The following RPH3A variants were observed in gnomAD, a reference collection of about 807,000 sequenced individuals.
RPH3A encodes rabphilin-3A.
Under a neutral mutation model 102.2 loss-of-function variants are expected in RPH3A, and 48 were observed. The ratio of observed to expected loss-of-function variants is 0.47; its 90% CI spans 0.37 to 0.60. The LOEUF (loss-of-function observed/expected upper bound fraction) is 0.60, where lower values mean the gene tolerates loss of function less well. RPH3A is among the 20% of genes least tolerant of loss of function. RPH3A has a pLI of 0.00. For synonymous variants in RPH3A, 310 were observed against 324.3 expected (o/e 0.96, Z 0.47); for missense variants, 781 against 910.1 (o/e 0.86, Z 1.83).
chr12:112,738,130 G>A (rs554720775), intron 1 of RPH3A, among the ~76,000 whole-genome samples: 185 of 151,962 alleles, frequency 1.2e-3, no homozygotes, highest in African/African-American at 4.0e-3. Flanking sequence ...TTATCATCAC[G>A]TATCCTTCTT....
At chr12:112,648,767 T>A (rs1464572331) in intron 1 of RPH3A, among the ~76,000 whole-genome samples, 24 of 129,040 alleles carry the variant, frequency 1.9e-4, no homozygotes, top group Non-Finnish European at 2.7e-4. Context: ...AAAAAAAAAA[T>A]GGAAATTACT....
intron 1 of RPH3A, among the ~76,000 whole-genome samples, chr12:112,735,708 G>A (rs1314709693): frequency 6.6e-6 from 1 of 152,148 alleles, no homozygotes; most frequent in Admixed American, 6.5e-5. Flanking sequence ...GAGATGGTGT[G>A]GAGCAGCCTG....
At chr12:112,645,611 T>A (rs2039923456) in intron 1 of RPH3A, among the ~76,000 whole-genome samples, 1 of 152,182 alleles carries the variant, frequency 6.6e-6, no homozygotes. Flanking sequence ...AAGTGAGCTC[T>A]CCTCTGCAAA....
chr12:112,712,903 CCTCT>C (rs1565856715), intron 1 of RPH3A, among the ~76,000 whole-genome samples: 8 of 131,940 alleles, frequency 6.1e-5, no homozygotes, highest in African/African-American at 2.2e-4. Flanking sequence ...TCTTCTTCTT[CCTCT>C]TCTTCTTCTT....
intron 1 of RPH3A, among the ~76,000 whole-genome samples, chr12:112,771,510 G>A (rs1038913117): frequency 6.6e-6 from 1 of 152,108 alleles, no homozygotes; most frequent in Non-Finnish European, 1.5e-5. Context: ...TACAAACAAT[G>A]CTGCAATAAA....
chr12:112,765,246 TTGTGTGTGTGTGTGTGTG>T (rs34294777), intron 1 of RPH3A, among the ~76,000 whole-genome samples: 8 of 141,760 alleles, frequency 5.6e-5, no homozygotes, highest in South Asian at 2.4e-4. Context: ...GTCATGGTGA[TTGTGTGTGTGTGTGTGTG>T]TGTGTGTGTG....
intron 1 of RPH3A, among the ~76,000 whole-genome samples, chr12:112,583,546 A>G (rs2039415771): frequency 6.6e-6 from 1 of 152,196 alleles, no homozygotes; most frequent in African/African-American, 2.4e-5. Context: ...AGAAGGAACC[A>G]TCCTTTGCAT....
chr12:112,679,562 A>G (rs2040212661), intron 1 of RPH3A, among the ~76,000 whole-genome samples: 1 of 152,100 alleles, frequency 6.6e-6, no homozygotes, highest in Non-Finnish European at 1.5e-5. Context: ...AGTAGTTGGG[A>G]TTACAGGCGT....
chr12:112,733,523 GGAGC>G (rs2040648276), intron 1 of RPH3A, among the ~76,000 whole-genome samples: 1 of 152,086 alleles, frequency 6.6e-6, no homozygotes, highest in African/African-American at 2.4e-5. Flanking sequence ...CACCCAACAG[GGAGC>G]TCCCATCAAA....
chr12:112,819,254 C>CA (rs1331022935), intron 2 of RPH3A, among the ~76,000 whole-genome samples: 18 of 151,942 alleles, frequency 1.2e-4, no homozygotes, highest in Admixed American at 5.2e-4. Context: ...TACAGGCATG[C>CA]ACCACCATGC....
At chr12:112,585,005 A>G (rs2039427854) in intron 1 of RPH3A, among the ~76,000 whole-genome samples, 1 of 152,232 alleles carries the variant, frequency 6.6e-6, no homozygotes, top group African/African-American at 2.4e-5. Context: ...TGCAGCCTTC[A>G]GTCAGCGGTC....
intron 1 of RPH3A, among the ~76,000 whole-genome samples, chr12:112,627,090 G>A (rs1205191727): frequency 7.8e-6 from 1 of 128,894 alleles, no homozygotes; most frequent in Non-Finnish European, 1.6e-5. Context: ...GGATAGCATT[G>A]GGAGATATAC....
chr12:112,705,235 C>A (rs1437237241), intron 1 of RPH3A, among the ~76,000 whole-genome samples: 3 of 152,198 alleles, frequency 2.0e-5, no homozygotes, highest in Admixed American at 6.5e-5. Flanking sequence ...TTTGTGCTAG[C>A]ATCCTGTTGA....
intron 1 of RPH3A, among the ~76,000 whole-genome samples, chr12:112,696,464 G>T (rs1021877250): frequency 6.6e-6 from 1 of 152,198 alleles, no homozygotes; most frequent in African/African-American, 2.4e-5. Context: ...ATGTACAAGT[G>T]GAGGCTCAGG....
At chr12:112,742,278 A>G (rs894950368) in intron 1 of RPH3A, among the ~76,000 whole-genome samples, 8 of 152,300 alleles carry the variant, frequency 5.3e-5, no homozygotes, top group South Asian at 2.1e-4. Context: ...GAACATTATT[A>G]AGGCATTCTT....
At position 112,707,176 on chromosome 12, in the gene RPH3A, T is replaced by TA. The variant is rs1393119016; in HGVS notation, c.-139-84960dup. On this transcript the variant is annotated intron_variant, in intron 1 of 21. Transcript: ENST00000543106. ...ATGCTTGAAGAGAGTCTTTTGATGC[T>TA]AAAAAAATCATTTGAAAATGAGCTT... 5.9e-5 allele frequency among the ~76,000 whole-genome samples: 9 copies of TA among 152,254 alleles called. No homozygotes were observed. The East Asian group carries it at 1.4e-3, about 23-fold the overall frequency.
In RPH3A at chr12:112,897,145, TACACACACACACAC is replaced by T. The variant is rs10563429; in HGVS notation, c.*382_*395del. On this transcript the variant is annotated 3_prime_UTR_variant, in exon 22 of 22. Coordinates refer to ENST00000389385, the MANE Select transcript of RPH3A (RefSeq NM_001143854.2). ...CCTCCTAGCCTTGAACACACACATGTACACACACACACACACACACACACACACACCCTTTCATT... is the reference window on the plus strand; with the variant it reads ...CCTCCTAGCCTTGAACACACACATGTACACACACACACACACCCTTTCATT... 20 of 183,580 alleles carry T rather than the reference TACACACACACACAC, an allele frequency of 1.1e-4. No homozygotes were observed. Among genetic ancestry groups the T allele is most frequent in the African/African-American group, 2.1e-4 (9 of 41,992 alleles). The allele number at this position is 183,580 out of a possible 1,614,324, so 11.4% of individuals were successfully genotyped here. A position where few individuals can be genotyped will look rare whatever the true frequency, so the allele number is the denominator to read the frequency against.
chr12:112,582,225 G>A (rs1298054364), intron 1 of RPH3A, among the ~76,000 whole-genome samples: 2 of 146,452 alleles, frequency 1.4e-5, no homozygotes, highest in Admixed American at 1.4e-4. Context: ...TCTGTGTCTT[G>A]CCTGTCTTCA....
intron 1 of RPH3A, among the ~76,000 whole-genome samples, chr12:112,594,700 T>C (rs772602194): frequency 2.0e-5 from 3 of 152,194 alleles, no homozygotes; most frequent in Non-Finnish European, 2.9e-5. Flanking sequence ...TTAGTTGCTA[T>C]TGATGTGGGA....
Sources: allele counts gnomAD v4.1 joint callset (sites outside exome capture counted in the v4.1 genomes callset), GRCh38; gene constraint gnomAD v4.1.1; transcripts MANE v1.5; gene names NCBI Gene and HGNC (gene_info 2026-07-23, HGNC 2026-07-21).